Variants in SPDYA observed in about 807,000 individuals in gnomAD.
SPDYA encodes speedy protein A.
A neutral mutation model predicts 36.7 loss-of-function variants in SPDYA; 11 were observed. The ratio of observed to expected loss-of-function variants is 0.30; its 90% CI spans 0.19 to 0.50. The LOEUF is 0.50. SPDYA is among the 20% of genes least tolerant of loss of function. The probability of loss-of-function intolerance (pLI) is 0.98; values close to 1 mark genes in which losing one functional copy is unlikely to be tolerated. For missense variants in SPDYA, 287 were observed against 370.9 expected (o/e 0.77, Z 1.86); for synonymous variants, 115 against 118.7 (o/e 0.97, Z 0.20).
At chr2:28,849,054 AACAC>A (rs1215024990) in intron 7 of SPDYA, among the ~76,000 whole-genome samples, 1 of 151,998 alleles carries the variant, frequency 6.6e-6, no homozygotes, top group Non-Finnish European at 1.5e-5. Context: ...CAAAAAAAAA[AACAC>A]ACACACACAA....
chr2:28,849,882 A>G lies in SPDYA; in HGVS notation c.883A>G (p.Lys295Glu), dbSNP rs765848359. The G allele has an allele frequency of 3.1e-5, 50 of 1,590,286 alleles. No individual in the cohort carries two copies. The highest frequency in any genetic ancestry group is 4.1e-5 in the Non-Finnish European group (48 of 1,172,936). The change falls in exon 8 of 8, where the codon AAA becomes GAA. Residue 295 changes from lysine (K) to glutamate (E), a missense_variant. Coordinates refer to ENST00000334056, the MANE Select transcript of SPDYA (RefSeq NM_182756.4). ...TGACCATCAATCAAATAAAGGAAAGAAAACTAATTTCTTGAAGAAAGACAA... is the reference window on the plus strand; with the variant it reads ...TGACCATCAATCAAATAAAGGAAAGGAAACTAATTTCTTGAAGAAAGACAA... ...VNDHQSNKGK[K>E]TNFLKKDKSM...
chr2:28,832,574 A>G (rs1225788784), intron 6 of SPDYA, among the ~76,000 whole-genome samples: 1 of 152,140 alleles, frequency 6.6e-6, no homozygotes, highest in Non-Finnish European at 1.5e-5. Context: ...TAACGTGCCT[A>G]AAATTGAACT....
At position 28,829,487 on chromosome 2, in the gene SPDYA, A is replaced by G. The variant is rs181208231; in HGVS notation, c.552+168A>G. Among the ~76,000 whole-genome samples the G allele has an allele frequency of 6.1e-4, 93 of 151,616 alleles. 3 individuals carry two copies. The highest frequency in any genetic ancestry group is 2.5e-4 in the Non-Finnish European group (17 of 67,942). On this transcript the variant is annotated intron_variant, in intron 6 of 7. Transcript: ENST00000334056. The stretch of plus-strand genomic sequence containing the variant: ...CCATGAATACAACTTGTGTATTACA[A>G]TGTTGCTGTCTTATTATCACCATAA...
rs559941130 is a variant in SPDYA at position 28,826,953 on chromosome 2, T to C, written c.381-2195T>C. Among the ~76,000 whole-genome samples, 566 of 146,630 alleles carry C rather than the reference T, an allele frequency of 3.9e-3. 3 individuals are homozygous for C. The highest frequency in any genetic ancestry group is 4.3e-3 in the Non-Finnish European group (284 of 66,424). On this transcript the variant is annotated intron_variant, in intron 5 of 7. Transcript: ENST00000334056. ...ATTTTCTTTTTTCTTTTCTTTCTTT[T>C]TTTTTTTTTTTTTTTTAAGAAGGAG...
chr2:28,819,001 A>C (rs971531174), intron 3 of SPDYA, 47 bp from the exon 4 acceptor site: 1 of 1,418,494 alleles, frequency 7.0e-7, no homozygotes, highest in Non-Finnish European at 9.9e-7. Context: ...CTTCAAAAGG[A>C]AACATTCTGT....
Position 28,819,326 on chromosome 2 carries a change from T to C in SPDYA, c.294+220T>C, listed in dbSNP as rs537747904. Among the ~76,000 whole-genome samples, 4 of 152,064 alleles carry C rather than the reference T, an allele frequency of 2.6e-5. No individual in the cohort carries two copies. In the East Asian group the frequency reaches 5.8e-4, roughly 22 times the overall value. On this transcript the variant is annotated intron_variant, in intron 4 of 7. Transcript: ENST00000334056. ...GAGTTGGAGACCAGCCTGGGCAACA[T>C]AGTGAGACCCCCATCTCTAAAAAAT...
chr2:28,821,889 G>A (rs188900028), intron 4 of SPDYA, among the ~76,000 whole-genome samples: 8 of 152,340 alleles, frequency 5.3e-5, no homozygotes, highest in African/African-American at 1.9e-4. Context: ...TAAAAAGTGA[G>A]TATGGATGTC....
At chr2:28,824,492 C>CAAAAAAAAAAAAAAAAAAAAAAAA in intron 5 of SPDYA, among the ~76,000 whole-genome samples, 1 of 110,050 alleles carries the variant, frequency 9.1e-6, no homozygotes, top group Non-Finnish European at 1.8e-5. Flanking sequence ...AAAAAAAAAA[C>CAAAAAAAAAAAAAAAAAAAAAAAA]AAAAAAAAAA....
At chr2:28,819,166 C>CTT (rs1287725513) in intron 4 of SPDYA, 60 bp downstream of exon 4, 8 of 1,228,484 alleles carry the variant, frequency 6.5e-6, no homozygotes, top group Middle Eastern at 2.0e-4. Flanking sequence ...ACCATTAGAG[C>CTT]TTTAATGAGA....
intron 6 of SPDYA, among the ~76,000 whole-genome samples, chr2:28,831,895 C>T (rs1346806555): frequency 6.6e-6 from 1 of 152,172 alleles, no homozygotes; most frequent in Non-Finnish European, 1.5e-5. Context: ...TCTACTTGTG[C>T]ACTAGATCTC....
intron 4 of SPDYA, among the ~76,000 whole-genome samples, chr2:28,819,486 C>T (rs921722239): frequency 3.3e-5 from 5 of 151,760 alleles, no homozygotes; most frequent in African/African-American, 1.2e-4. Flanking sequence ...CCAGCTTGGA[C>T]AATAGAGCAA....
chr2:28,844,826 G>A (rs1668832007), intron 7 of SPDYA, among the ~76,000 whole-genome samples: 1 of 151,948 alleles, frequency 6.6e-6, no homozygotes, highest in African/African-American at 2.4e-5. Flanking sequence ...CCAGCTACTC[G>A]GGAGGCTGAG....
chr2:28,833,859 T>C (rs918329633), intron 6 of SPDYA, among the ~76,000 whole-genome samples: 2 of 152,074 alleles, frequency 1.3e-5, no homozygotes, highest in Admixed American at 6.5e-5. Context: ...AAATATAAAA[T>C]AGACATCATC....
chr2:28,839,778 A>G (rs1170118353), intron 6 of SPDYA, among the ~76,000 whole-genome samples: 2 of 152,242 alleles, frequency 1.3e-5, no homozygotes, highest in Non-Finnish European at 2.9e-5. Flanking sequence ...CTGGGATTAC[A>G]GGCGTGAGCC....
Position 28,814,649 on chromosome 2 carries a change from A to G in SPDYA, c.-56A>G, listed in dbSNP as rs1667939971. On this transcript the variant is annotated 5_prime_UTR_variant, in exon 2 of 8. Transcript: ENST00000334056. ...GAAGGGAAATTTCTGAGGGTCAGGA[A>G]GGGGAATCTGTACCTCACTCCTTGA... The G allele has an allele frequency of 6.6e-6, 1 of 152,194 alleles. No individual in the cohort carries two copies. The highest frequency in any genetic ancestry group is 2.4e-5 in the African/African-American group (1 of 41,434). 9.4% of individuals were successfully genotyped at this position (152,194 alleles called of 1,614,324 possible). A position where few individuals can be genotyped will look rare whatever the true frequency, so the allele number is the denominator to read the frequency against.
intron 5 of SPDYA, among the ~76,000 whole-genome samples, chr2:28,827,161 C>T (rs1315475032): frequency 2.6e-5 from 4 of 151,638 alleles, no homozygotes; most frequent in Non-Finnish European, 5.9e-5. Flanking sequence ...AGGATGGTCT[C>T]AATCTCCTGA....
chr2:28,831,856 G>A (rs1668486125), intron 6 of SPDYA, among the ~76,000 whole-genome samples: 2 of 152,186 alleles, frequency 1.3e-5, no homozygotes, highest in Admixed American at 1.3e-4. Flanking sequence ...GTGAAAGAAC[G>A]ATCTTTGCTC....
intron 7 of SPDYA, 179 bp downstream of exon 7, chr2:28,840,648 T>C: frequency 7.3e-7 from 1 of 1,378,348 alleles, no homozygotes. Flanking sequence ...TGTTTTGTGG[T>C]GACCCACCTA....
At chr2:28,819,881 TATATATATATATATATATATA>T (rs1668111821) in intron 4 of SPDYA, among the ~76,000 whole-genome samples, 1 of 48,046 alleles carries the variant, frequency 2.1e-5, no homozygotes, top group Admixed American at 2.9e-4. Flanking sequence ...TATATATATA[TATATATATATATATATATATA>T]TTTTATCCTG....
Sources: gnomAD v4.1 joint callset for allele counts (sites outside exome capture counted in the v4.1 genomes callset) on GRCh38, gnomAD v4.1.1 for gene constraint, MANE v1.5 for transcripts, NCBI Gene and HGNC (gene_info 2026-07-23, HGNC 2026-07-21) for gene names.